PTH1R: variants seen among roughly 807,000 people sequenced by gnomAD.
The protein encoded by PTH1R is parathyroid hormone/parathyroid hormone-related peptide receptor.
PTH1R carries 32 observed loss-of-function variants against 70.7 expected under a neutral mutation model. The ratio of observed to expected loss-of-function variants is 0.45; its 90% confidence interval spans 0.34 to 0.61. The LOEUF (loss-of-function observed/expected upper bound fraction) is 0.61, where lower values mean the gene tolerates loss of function less well. Ranked by LOEUF, PTH1R falls within the 20% of genes least tolerant of loss-of-function variation. The pLI is 0.01. For missense variants in PTH1R, 626 were observed against 792.5 expected (o/e 0.79, Z 2.52); for synonymous variants, 329 against 324.8 (o/e 1.01, Z -0.14).
In PTH1R at chr3:46,898,823, C is replaced by G. The variant is rs756277460; in HGVS notation, c.800C>G (p.Ala267Gly). 9.0e-6 allele frequency: 14 copies of G among 1,562,050 alleles called. No homozygotes were observed. Among genetic ancestry groups the G allele is most frequent in the Non-Finnish European group, 1.2e-5 (14 of 1,159,190 alleles). The change falls in exon 9 of 16, where the codon GCG (alanine) becomes GGG (glycine). Residue 267 changes from alanine (A) to glycine (G), a missense_variant. Coordinates refer to ENST00000449590, the MANE Select transcript of PTH1R (RefSeq NM_000316.3). Reference protein sequence around the residue: ...TEEELRAIAQAPPPPATAAAG... With the variant: ...TEEELRAIAQGPPPPATAAAG... ...GAGGAGCTGCGCGCCATCGCCCAGG[C>G]GCCCCCGCCGCCTGCCACCGCCGCT...
chr3:46,895,165 C>T (rs894953724), intron 4 of PTH1R, among the ~76,000 whole-genome samples: 1 of 151,460 alleles, frequency 6.6e-6, no homozygotes. Context: ...GGCATCTCAA[C>T]GGCCACTGTG....
Position 46,895,754 on chromosome 3 carries a change from C to A in PTH1R, c.198C>A (p.Asp66Glu), listed in dbSNP as rs752929039. 1.2e-6 allele frequency: 2 copies of A among 1,614,148 alleles called. No individual in the cohort carries two copies. The highest frequency in any genetic ancestry group is 3.3e-5 in the Admixed American group (2 of 60,030). Reference protein sequence around the residue: ...LQRPASIMESDKGWTSASTSG... With the variant: ...LQRPASIMESEKGWTSASTSG... ...CTCCAGCCAGCATAATGGAATCAGA[C>A]AAGGGATGGACATCTGCGTCCACAT... is the stretch of plus-strand genomic sequence containing the variant. The change falls in exon 5 of 16, where the codon GAC becomes GAA. Residue 66 changes from aspartate (D) to glutamate (E), a missense_variant. This residue lies in a region of PTH1R where 123 missense variants were observed against 125.7 expected (regional missense o/e 0.98). Coordinates refer to ENST00000449590, the MANE Select transcript of PTH1R (RefSeq NM_000316.3).
In PTH1R at chr3:46,901,332, G is replaced by A. The variant is rs1357359556; in HGVS notation, c.1050-82G>A. The A allele has an allele frequency of 2.0e-6, 3 of 1,513,296 alleles. No homozygotes were observed. Among genetic ancestry groups the A allele is most frequent in the Non-Finnish European group, 2.7e-6 (3 of 1,114,058 alleles). 93.7% of individuals were successfully genotyped at this position (1,513,296 alleles called of 1,614,324 possible). A position where few individuals can be genotyped will look rare whatever the true frequency, so the allele number is the denominator to read the frequency against. On this transcript the variant is annotated intron_variant, in intron 11 of 15. Coordinates refer to ENST00000449590, the MANE Select transcript of PTH1R (RefSeq NM_000316.3). The surrounding 1 kb of genome is among the most constrained non-coding windows in gnomAD (Gnocchi z 7.3). ...CCTGTGTCCTCAACAGCTAATGTCA[G>A]ACCAGACCAAATCTGGGTCTCTGTG...
At chr3:46,886,838 G>T (rs570445337) in intron 3 of PTH1R, among the ~76,000 whole-genome samples, 42 of 152,322 alleles carry the variant, frequency 2.8e-4, no homozygotes, top group African/African-American at 6.5e-4. Flanking sequence ...TTTGAACCCA[G>T]ATCTTTAGAC....
At chr3:46,888,885 G>A (rs983383862) in intron 3 of PTH1R, among the ~76,000 whole-genome samples, 4 of 152,252 alleles carry the variant, frequency 2.6e-5, no homozygotes, top group South Asian at 2.1e-4. Context: ...GATGAGAGGC[G>A]TCACAGTGCC....
chr3:46,885,336 T>TA (rs1426386352), intron 3 of PTH1R, among the ~76,000 whole-genome samples: 3 of 152,146 alleles, frequency 2.0e-5, no homozygotes, highest in Non-Finnish European at 2.9e-5. Context: ...GTTGTTTTCT[T>TA]ATGTGTATTT....
In PTH1R at chr3:46,902,733, A is replaced by T. The variant is rs1241739401; in HGVS notation, c.1354-16A>T. 1 of 1,613,798 alleles carries T rather than the reference A, an allele frequency of 6.2e-7. No individual in the cohort carries two copies. On this transcript the variant is annotated splice_polypyrimidine_tract_variant and intron_variant, in intron 14 of 15. Transcript: ENST00000449590. This position sits in a 1 kb window ranked among gnomAD's most constrained non-coding sequence, Gnocchi z 5.4. The stretch of plus-strand genomic sequence containing the variant: ...GTTCCGGGGGCAGGCCTGATTCGAG[A>T]CACCCCTCTTCACAGGGATTTTTTG...
chr3:46,898,028 T>C, intron 6 of PTH1R, 46 bp from the exon 7 acceptor site: 4 of 1,612,788 alleles, frequency 2.5e-6, no homozygotes, highest in Non-Finnish European at 3.4e-6. Context: ...AGGGGTTCAG[T>C]GCCTCGAGAC....
Position 46,902,882 on chromosome 3 carries a change from A to G in PTH1R, c.1395+92A>G. The G allele has an allele frequency of 7.1e-6, 11 of 1,544,198 alleles. No homozygotes were observed. The highest frequency in any genetic ancestry group is 9.8e-6 in the Non-Finnish European group (11 of 1,122,222). ...CATTTCTCCATTCTTCCACCCTGTT[A>G]TTTCTTTGTTCCTCCAAGAACACCC... On this transcript the variant is annotated intron_variant, in intron 15 of 15. Coordinates refer to ENST00000449590, the MANE Select transcript of PTH1R (RefSeq NM_000316.3). The surrounding 1 kb of genome is among the most constrained non-coding windows in gnomAD (Gnocchi z 5.4).
intron 3 of PTH1R, among the ~76,000 whole-genome samples, chr3:46,890,560 A>G (rs1245908265): frequency 2.2e-5 from 3 of 139,464 alleles, no homozygotes; most frequent in Non-Finnish European, 4.5e-5. Context: ...CTAGAGTGCA[A>G]TGGCGCGATC....
rs1470872862 is a variant in PTH1R at position 46,892,212 on chromosome 3, C to T, written c.76-1695C>T. On this transcript the variant is annotated intron_variant, in intron 3 of 15. Transcript: ENST00000449590. The surrounding 1 kb of genome is among the most constrained non-coding windows in gnomAD (Gnocchi z 5.2). The stretch of plus-strand genomic sequence containing the variant: ...CCCTTCCTGGGGTCCATAGTACCAG[C>T]GGAGATCTCAGGGTCCACCTCAGCC... Among the ~76,000 whole-genome samples the T allele has an allele frequency of 6.6e-6, 1 of 152,160 alleles. No homozygotes were observed. Among genetic ancestry groups the T allele is most frequent in the African/African-American group, 2.4e-5 (1 of 41,438 alleles).
In PTH1R at chr3:46,903,044, TG is replaced by T. The variant is rs2032225221; in HGVS notation, c.1396-224del. On this transcript the variant is annotated intron_variant, in intron 15 of 15. Coordinates refer to ENST00000449590, the MANE Select transcript of PTH1R (RefSeq NM_000316.3). This position sits in a 1 kb window ranked among gnomAD's most constrained non-coding sequence, Gnocchi z 4.4. ...TGGTTCAATTATCTGTGACCCAGAT[TG>T]GAGGACTCAGCCACCTTTGGGGCAA... 2.0e-6 allele frequency: 2 copies of T among 1,008,932 alleles called. No homozygotes were observed. The highest frequency in any genetic ancestry group is 3.0e-6 in the Non-Finnish European group (2 of 666,836). The allele number at this position is 1,008,932 out of a possible 1,614,324, so 62.5% of individuals were successfully genotyped here.
At chr3:46,894,717 C>T (rs923346256) in intron 4 of PTH1R, among the ~76,000 whole-genome samples, 1 of 152,106 alleles carries the variant, frequency 6.6e-6, no homozygotes, top group Non-Finnish European at 1.5e-5. Flanking sequence ...CAGTCATTCT[C>T]ATCCCAGTCC....
At chr3:46,897,038 A>G (rs973208516) in intron 5 of PTH1R, among the ~76,000 whole-genome samples, 8 of 152,200 alleles carry the variant, frequency 5.3e-5, no homozygotes, top group Non-Finnish European at 8.8e-5. Context: ...CTTGGAGTCC[A>G]GCTGGCACTA....
chr3:46,897,988 G>C (rs755845291), intron 6 of PTH1R, 23 bp downstream of exon 6: 1 of 1,613,590 alleles, frequency 6.2e-7, no homozygotes, highest in Non-Finnish European at 8.5e-7. Context: ...GGAAGGGGTG[G>C]GGATTACAAG....
At chr3:46,885,528 G>T (rs1450069166) in intron 3 of PTH1R, among the ~76,000 whole-genome samples, 2 of 151,732 alleles carry the variant, frequency 1.3e-5, no homozygotes, top group East Asian at 1.9e-4. Flanking sequence ...CTCTATGTGT[G>T]TGTGGAGTAT....
Position 46,887,081 on chromosome 3 carries a change from A to G in PTH1R, c.75+3447A>G, listed in dbSNP as rs141551171. 5.9e-3 allele frequency among the ~76,000 whole-genome samples: 894 copies of G among 152,148 alleles called. 6 individuals are homozygous for G. The highest frequency in any genetic ancestry group is 0.031 in the Middle Eastern group (9 of 294). Reference sequence around the variant, plus strand: ...TGGTGAAACCCCCATCTCTACTAAGAATACAAAAATTAGCCACGCGTGGTG... The same window carrying G: ...TGGTGAAACCCCCATCTCTACTAAGGATACAAAAATTAGCCACGCGTGGTG... On this transcript the variant is annotated intron_variant, in intron 3 of 15. Coordinates refer to ENST00000449590, the MANE Select transcript of PTH1R (RefSeq NM_000316.3).
Position 46,878,740 on chromosome 3 carries a change from A to T in PTH1R, c.-106+897A>T, listed in dbSNP as rs1247789082. Among the ~76,000 whole-genome samples the T allele has an allele frequency of 3.9e-4, 59 of 151,966 alleles. 2 individuals are homozygous for T. The highest frequency in any genetic ancestry group is 3.8e-3 in the Admixed American group (58 of 15,272). On this transcript the variant is annotated intron_variant, in intron 1 of 15. Coordinates refer to ENST00000449590, the MANE Select transcript of PTH1R (RefSeq NM_000316.3). ...GTGTACCTTGGCCAGAGCCCTACTC[A>T]CGGTGGGATGGCTGCAGCAGAGGCC...
rs757515259 is a variant in PTH1R at position 46,899,429 on chromosome 3, C to A, written c.961C>A (p.Leu321Met). 6.2e-7 allele frequency: 1 copy of A among 1,613,142 alleles called. No homozygotes were observed. The highest frequency in any genetic ancestry group is 8.5e-7 in the Non-Finnish European group (1 of 1,179,912). Residue 321 changes from leucine to methionine, a missense_variant, in exon 10 of 16, where the codon CTG (leucine) becomes ATG (methionine). Transcript: ENST00000449590. ...FMAFFSEKKY[L>M]WGFTVFGWGL... ...GGCCTTCTTCTCAGAGAAGAAGTAC[C>A]TGTGGGGCTTCACAGTCTTCGGCTG...
Sources: allele counts gnomAD v4.1 joint callset (sites outside exome capture counted in the v4.1 genomes callset), GRCh38; gene constraint gnomAD v4.1.1; regional missense constraint gnomAD v4.1.1; non-coding constraint Gnocchi (gnomAD v3.1); transcripts MANE v1.5; gene names NCBI Gene and HGNC (gene_info 2026-07-23, HGNC 2026-07-21).